FRMPD4: variants seen among roughly 807,000 people sequenced by gnomAD.
FRMPD4 encodes the protein FERM and PDZ domain-containing protein 4.
A neutral mutation model predicts 94.1 loss-of-function variants in FRMPD4; 22 were observed. That is an observed-to-expected ratio of 0.23 (90% CI 0.17 to 0.33). The LOEUF is 0.33. FRMPD4 is among the 10% of genes least tolerant of loss of function. The pLI, the probability that FRMPD4 is intolerant of heterozygous loss-of-function variation, is 1.00. For missense variants in FRMPD4, 1,111 were observed against 1,339.9 expected (o/e 0.83, Z 2.67); for synonymous variants, 631 against 548.6 (o/e 1.15, Z -2.10).
At position 12,508,156 on chromosome X, in the gene FRMPD4, C is replaced by T. The variant is rs189919929; in HGVS notation, c.158+9360C>T. Among the ~76,000 whole-genome samples the T allele has an allele frequency of 3.6e-3, 409 of 112,249 alleles. 1 individual carries two copies. Among genetic ancestry groups the T allele is most frequent in the Admixed American group, 8.9e-3 (94 of 10,618 alleles). On this transcript the variant is annotated intron_variant, in intron 2 of 16. Coordinates refer to ENST00000675598, the MANE Select transcript of FRMPD4 (RefSeq NM_001368397.1). ...ATTATCATTGTGGAATTTTATAAGG[C>T]TTCTGTGTAAATGTCCTTAACTCAT...
chrX:11,960,941 C>T (rs1057294772), intron 3 of FRMPD4, among the ~76,000 whole-genome samples: 2 of 112,042 alleles, frequency 1.8e-5, no homozygotes, highest in Admixed American at 9.5e-5. Flanking sequence ...TGATTATCTG[C>T]GTATAACCAG....
intron 1 of FRMPD4, among the ~76,000 whole-genome samples, chrX:12,411,857 C>A (rs183561702): frequency 6.3e-5 from 7 of 111,274 alleles, no homozygotes; most frequent in African/African-American, 2.0e-4. Context: ...TCAAAAAGGG[C>A]AAAAAGGCCA....
chrX:12,667,500 T>C (rs1001111628), intron 4 of FRMPD4, among the ~76,000 whole-genome samples: 3 of 112,227 alleles, frequency 2.7e-5, no homozygotes, highest in Non-Finnish European at 3.8e-5. Context: ...ATTATAATTT[T>C]TAAATGGTAT....
At chrX:12,231,275 T>C (rs1468600385) in intron 1 of FRMPD4, among the ~76,000 whole-genome samples, 1 of 105,259 alleles carries the variant, frequency 9.5e-6, no homozygotes, top group Non-Finnish European at 1.9e-5. Flanking sequence ...TGAAGTCAGC[T>C]TGAGTCTCAA....
At chrX:12,238,001 C>G (rs1378340765) in intron 1 of FRMPD4, among the ~76,000 whole-genome samples, 1 of 112,371 alleles carries the variant, frequency 8.9e-6, no homozygotes, top group Non-Finnish European at 1.9e-5. Context: ...TACAGGCACT[C>G]ATGTATGCAT....
intron 2 of FRMPD4, among the ~76,000 whole-genome samples, chrX:12,590,815 A>G (rs2058975501): frequency 8.9e-6 from 1 of 111,778 alleles, no homozygotes; most frequent in Non-Finnish European, 1.9e-5. Context: ...CAATTTAGGT[A>G]TGTTTCATCC....
At chrX:12,606,094 T>C (rs1449441703) in intron 2 of FRMPD4, among the ~76,000 whole-genome samples, 1 of 112,209 alleles carries the variant, frequency 8.9e-6, no homozygotes, top group African/African-American at 3.3e-5. Context: ...AAACAATGCT[T>C]AGCATGAAAT....
intron 3 of FRMPD4, among the ~76,000 whole-genome samples, chrX:11,926,675 C>T (rs766925475): frequency 1.8e-5 from 2 of 111,721 alleles, no homozygotes; most frequent in East Asian, 5.6e-4. Context: ...GATCTCAATA[C>T]ATGCATAAAA....
Position 11,905,678 on chromosome X carries a change from G to T in FRMPD4, c.95+27660G>T, listed in dbSNP as rs1009937080. Reference sequence around the variant, plus strand: ...TAAGGTACTGTGATATATATTGGGGGTATTAACATTGATAACGTGTGCTCC... The same window carrying T: ...TAAGGTACTGTGATATATATTGGGGTTATTAACATTGATAACGTGTGCTCC... On this transcript the variant is annotated intron_variant, in intron 3 of 18. Transcript: ENST00000640291. 8.1e-5 allele frequency among the ~76,000 whole-genome samples: 9 copies of T among 111,144 alleles called. No individual in the cohort carries two copies. The Admixed American group carries it at 8.6e-4, about 11-fold the overall frequency.
intron 2 of FRMPD4, among the ~76,000 whole-genome samples, chrX:12,567,233 C>G (rs1343209640): frequency 8.9e-6 from 1 of 111,803 alleles, no homozygotes; most frequent in African/African-American, 3.3e-5. Context: ...GCTTTGGGAG[C>G]AACAGATTTG....
At chrX:12,477,066 C>T (rs1047392367) in intron 1 of FRMPD4, among the ~76,000 whole-genome samples, 1 of 107,271 alleles carries the variant, frequency 9.3e-6, no homozygotes, top group African/African-American at 3.8e-5. Flanking sequence ...AAATGTCCAA[C>T]AACGATAGAC....
chrX:12,023,260 G>A (rs1379494443), intron 3 of FRMPD4, among the ~76,000 whole-genome samples: 2 of 111,249 alleles, frequency 1.8e-5, no homozygotes, highest in Non-Finnish European at 3.8e-5. Context: ...CCAGAACTTT[G>A]AGAAATAAAT....
chrX:12,448,411 TAATA>T (rs1485476104), intron 1 of FRMPD4, among the ~76,000 whole-genome samples: 9 of 112,199 alleles, frequency 8.0e-5, no homozygotes, highest in Admixed American at 1.9e-4. Context: ...CGAAACACTT[TAATA>T]AATAAAATGA....
intron 1 of FRMPD4, among the ~76,000 whole-genome samples, chrX:12,209,960 A>G (rs2056736346): frequency 8.9e-6 from 1 of 111,835 alleles, no homozygotes; most frequent in Admixed American, 9.5e-5. Context: ...TTGCTGTTGT[A>G]AAATATGAAA....
chrX:12,382,254 G>A (rs1377110320), intron 1 of FRMPD4, among the ~76,000 whole-genome samples: 1 of 111,927 alleles, frequency 8.9e-6, no homozygotes, highest in South Asian at 3.7e-4. Flanking sequence ...GTGAACATGG[G>A]TAGCTGAGAA....
chrX:12,494,607 C>T (rs2057826519), intron 1 of FRMPD4, among the ~76,000 whole-genome samples: 1 of 111,395 alleles, frequency 9.0e-6, no homozygotes, highest in African/African-American at 3.3e-5. Context: ...CCAGGTGGCT[C>T]CTGAAAGCCT....
intron 3 of FRMPD4, among the ~76,000 whole-genome samples, chrX:11,986,879 C>A (rs1391928863): frequency 9.2e-6 from 1 of 108,811 alleles, no homozygotes; most frequent in Non-Finnish European, 1.9e-5. Flanking sequence ...CCCAAACAGC[C>A]AATAACAAGT....
intron 3 of FRMPD4, among the ~76,000 whole-genome samples, chrX:12,032,254 G>A (rs1225051911): frequency 8.9e-6 from 1 of 111,733 alleles, no homozygotes; most frequent in African/African-American, 3.3e-5. Context: ...CAAGAGGGAG[G>A]TGGAAGAGCT....
In FRMPD4 at chrX:12,394,762, T is replaced by A. The variant is rs191595059; in HGVS notation, c.42-103918T>A. 2.1e-3 allele frequency among the ~76,000 whole-genome samples: 234 copies of A among 111,632 alleles called. 1 individual carries two copies. Among genetic ancestry groups the A allele is most frequent in the Middle Eastern group, 0.014 (3 of 218 alleles). ...TATAACATAGAACAGCCTAGAAGAG[T>A]TGCAATGCATTTGTTGTTTTTAATC... On this transcript the variant is annotated intron_variant, in intron 1 of 16. Coordinates refer to ENST00000675598, the MANE Select transcript of FRMPD4 (RefSeq NM_001368397.1).
Sources: gnomAD v4.1 joint callset for allele counts (sites outside exome capture counted in the v4.1 genomes callset) on GRCh38, gnomAD v4.1.1 for gene constraint, MANE v1.5 for transcripts, NCBI Gene and HGNC (gene_info 2026-07-23, HGNC 2026-07-21) for gene names.